MAGI1: variants seen among roughly 807,000 people sequenced by gnomAD.
MAGI1 encodes the protein membrane associated guanylate kinase, WW and PDZ domain containing 1.
MAGI1 carries 58 observed loss-of-function variants against 139.9 expected under a neutral mutation model. The ratio of observed to expected loss-of-function variants is 0.41; its 90% confidence interval spans 0.34 to 0.52. The LOEUF (loss-of-function observed/expected upper bound fraction) is 0.52. MAGI1 is among the 20% of genes least tolerant of loss of function. The pLI is 0.12. For missense variants in MAGI1, 1,874 were observed against 1,901.6 expected, an observed-to-expected ratio of 0.99 and a Z score of 0.27; for synonymous variants, 812 against 737.9, an observed-to-expected ratio of 1.10 and a Z score of -1.63.
chr3:65,512,644 T>C (rs2077657827), intron 2 of MAGI1, among the ~76,000 whole-genome samples: 1 of 151,890 alleles, frequency 6.6e-6, no homozygotes, highest in South Asian at 2.1e-4. Flanking sequence ...TAACAGGAGC[T>C]GAAATTGTGG....
intron 1 of MAGI1, among the ~76,000 whole-genome samples, chr3:65,723,621 T>A (rs1043799066): frequency 1.3e-5 from 2 of 152,198 alleles, no homozygotes; most frequent in African/African-American, 4.8e-5. Context: ...GTGTAACATA[T>A]CTAGCAACAT....
At chr3:65,726,537 T>C (rs181324664) in intron 1 of MAGI1, among the ~76,000 whole-genome samples, 70 of 152,312 alleles carry the variant, frequency 4.6e-4, no homozygotes, top group Admixed American at 3.5e-3. Flanking sequence ...TTCTGCAGCA[T>C]TCACGAAGCC....
At chr3:65,597,925 T>TGGGGGGGGGGGGGGGGG in intron 2 of MAGI1, 2 of 394,348 alleles carry the variant, frequency 5.1e-6, no homozygotes, top group Non-Finnish European at 1.0e-5. Flanking sequence ...GAGGCGGGGG[T>TGGGGGGGGGGGGGGGGG]GGGGGGGGGG....
intron 18 of MAGI1, among the ~76,000 whole-genome samples, chr3:65,373,523 A>C (rs1246669580): frequency 2.0e-5 from 3 of 152,222 alleles, no homozygotes; most frequent in Admixed American, 6.5e-5. Flanking sequence ...AATGACACTG[A>C]CAGACTTGCT....
intron 2 of MAGI1, chr3:65,597,618 T>G (rs759379400): frequency 1.2e-3 from 528 of 448,548 alleles, no homozygotes; most frequent in Non-Finnish European, 1.9e-3. Flanking sequence ...CCCTCCTCCC[T>G]GGTCCACACA....
chr3:65,455,840 T>A (rs1285376045), intron 5 of MAGI1, among the ~76,000 whole-genome samples: 6 of 152,228 alleles, frequency 3.9e-5, no homozygotes, highest in African/African-American at 1.2e-4. Context: ...ATAATTCTCA[T>A]CAAGATTGTT....
intron 1 of MAGI1, among the ~76,000 whole-genome samples, chr3:66,007,251 C>T (rs7624835): frequency 0.77 from 116,538 of 152,128 alleles, 44,857 homozygotes; most frequent in East Asian, 0.88. Flanking sequence ...GGACCTGCCT[C>T]GGTAGAACTT....
intron 13 of MAGI1, 71 bp downstream of exon 13, chr3:65,401,368 A>ACCCAGCCCC: frequency 7.6e-7 from 1 of 1,323,564 alleles, no homozygotes; most frequent in Non-Finnish European, 1.1e-6. Context: ...CACACAGAGT[A>ACCCAGCCCC]CCCTCCCACC....
chr3:66,016,665 A>G (rs2067657212), intron 1 of MAGI1, among the ~76,000 whole-genome samples: 1 of 152,258 alleles, frequency 6.6e-6, no homozygotes, highest in Admixed American at 6.5e-5. Context: ...GGAGGAGGTC[A>G]GGACATCAAG....
chr3:65,811,968 G>GAA (rs2041270287), intron 1 of MAGI1, among the ~76,000 whole-genome samples: 1 of 151,672 alleles, frequency 6.6e-6, no homozygotes, highest in Non-Finnish European at 1.5e-5. Context: ...GTGAGAGAGA[G>GAA]AGCGTGCACT....
chr3:65,618,561 C>A (rs1576497204), intron 2 of MAGI1, among the ~76,000 whole-genome samples: 1 of 151,978 alleles, frequency 6.6e-6, no homozygotes, highest in East Asian at 1.9e-4. Flanking sequence ...ATTCAGCCAT[C>A]AGAAACTTTT....
chr3:65,502,236 C>T (rs1258764865), intron 2 of MAGI1, among the ~76,000 whole-genome samples: 1 of 152,168 alleles, frequency 6.6e-6, no homozygotes, highest in African/African-American at 2.4e-5. Flanking sequence ...CAGTAAGTAA[C>T]TAAAAATAAA....
At chr3:65,363,704 C>A in intron 20 of MAGI1, 96 bp from the exon 21 acceptor site, 1 of 978,096 alleles carries the variant, frequency 1.0e-6, no homozygotes. Context: ...TCTCTATCCC[C>A]CTCTTGGTGA....
At chr3:65,714,588 T>G (rs890303114) in intron 1 of MAGI1, among the ~76,000 whole-genome samples, 2 of 152,112 alleles carry the variant, frequency 1.3e-5, no homozygotes, top group African/African-American at 4.8e-5. Flanking sequence ...TCATGTTGGT[T>G]GCCAGCATGC....
chr3:66,010,047 G>A (rs572839385), intron 1 of MAGI1, among the ~76,000 whole-genome samples: 35 of 113,572 alleles, frequency 3.1e-4, no homozygotes, highest in African/African-American at 1.1e-3. Flanking sequence ...GTGTACTCCA[G>A]CCTGGGTGAC....
chr3:65,770,847 C>G (rs1421492807), intron 1 of MAGI1, among the ~76,000 whole-genome samples: 1 of 151,910 alleles, frequency 6.6e-6, no homozygotes, highest in African/African-American at 2.4e-5. Flanking sequence ...TGCCACAATG[C>G]CTAGCTAATT....
At chr3:65,792,216 G>A (rs749210468) in intron 1 of MAGI1, among the ~76,000 whole-genome samples, 5 of 152,116 alleles carry the variant, frequency 3.3e-5, no homozygotes, top group Non-Finnish European at 5.9e-5. Context: ...TATCATCCCA[G>A]CACTTTGGGA....
At chr3:65,442,640 T>C (rs1948423213) in intron 8 of MAGI1, 152 bp downstream of exon 8, 3 of 543,608 alleles carry the variant, frequency 5.5e-6, no homozygotes, top group Non-Finnish European at 9.8e-6. Flanking sequence ...GAATATTTTC[T>C]CATTCATTAA....
chr3:65,910,699 G>C (rs1275428303), intron 1 of MAGI1, among the ~76,000 whole-genome samples: 1 of 151,900 alleles, frequency 6.6e-6, no homozygotes, highest in African/African-American at 2.4e-5. Flanking sequence ...AAACTCTACA[G>C]TAGCTTCCTA....
Sources: allele counts gnomAD v4.1 joint callset (sites outside exome capture counted in the v4.1 genomes callset), GRCh38; gene constraint gnomAD v4.1.1; transcripts MANE v1.5; gene names NCBI Gene and HGNC (gene_info 2026-07-23, HGNC 2026-07-21).